The following HMCN1 variants were observed in gnomAD, a reference collection of about 807,000 sequenced individuals.
The protein encoded by HMCN1 is hemicentin 1.
In HMCN1, 321 loss-of-function variants were observed where a neutral mutation model predicts 625.9. The ratio of observed to expected loss-of-function variants is 0.51; its 90% CI spans 0.47 to 0.56. HMCN1 has a LOEUF of 0.56. HMCN1 is among the 20% of genes least tolerant of loss of function. The pLI is 0.00. For missense variants in HMCN1, 6,588 were observed against 6,887.3 expected, an observed-to-expected ratio of 0.96 and a Z score of 1.54; for synonymous variants, 2,425 against 2,417.6, an observed-to-expected ratio of 1.00 and a Z score of -0.09.
chr1:186,152,624 A>G, intron 95 of HMCN1, 126 bp from the exon 96 acceptor site: 1 of 1,110,198 alleles, frequency 9.0e-7, no homozygotes, highest in Non-Finnish European at 1.4e-6. Flanking sequence ...TTCAGTTCTC[A>G]TCATCTATAC....
chr1:186,048,708 G>A (rs1283663360), intron 41 of HMCN1, 35 bp from the exon 42 acceptor site: 1 of 1,251,244 alleles, frequency 8.0e-7, no homozygotes, highest in Non-Finnish European at 1.2e-6. Context: ...AAGTGAAATA[G>A]AAAGTGTGAT....
At chr1:185,926,813 T>A (rs1281549201) in intron 9 of HMCN1, among the ~76,000 whole-genome samples, 2 of 152,196 alleles carry the variant, frequency 1.3e-5, no homozygotes, top group Non-Finnish European at 2.9e-5. Flanking sequence ...CACCAGGGGA[T>A]GTAAGAGAGA....
chr1:185,990,287 T>A lies in HMCN1; in HGVS notation c.3221T>A (p.Val1074Glu). 6.2e-7 allele frequency: 1 copy of A among 1,613,934 alleles called. No individual in the cohort carries two copies. The highest frequency in any genetic ancestry group is 8.5e-7 in the Non-Finnish European group (1 of 1,179,850). ...VQLTVYVRPR[V>E]FGDQRGLSQD... ...GTGTTTATTTTAGTAAGGCCCAGAG[T>A]GTTTGGAGATCAACGAGGACTGTCC... The change falls in exon 22 of 107, where the codon GTG becomes GAG. Residue 1074 changes from valine to glutamate, a missense_variant. Val to Glu is a moderately radical substitution (Grantham distance 121). This residue lies in a region of HMCN1 where 4,628 missense variants were observed against 4,853.1 expected (regional missense o/e 0.95). Coordinates refer to ENST00000271588, the MANE Select transcript of HMCN1 (RefSeq NM_031935.3).
At chr1:185,984,370 A>G in intron 19 of HMCN1, 57 bp downstream of exon 19, 10 of 1,514,568 alleles carry the variant, frequency 6.6e-6, no homozygotes, top group South Asian at 1.1e-5. Flanking sequence ...AGTTGTTCTT[A>G]TATTTTAATC....
intron 96 of HMCN1, among the ~76,000 whole-genome samples, chr1:186,153,165 G>A (rs1650780524): frequency 6.6e-6 from 1 of 152,112 alleles, no homozygotes. Flanking sequence ...ACGTTTTTGT[G>A]TATCATCCAT....
At chr1:185,746,605 CTTTTTTT>C (rs59992589) in intron 1 of HMCN1, among the ~76,000 whole-genome samples, 1 of 132,348 alleles carries the variant, frequency 7.6e-6, no homozygotes, top group South Asian at 2.4e-4. Context: ...TTTCCTTTTC[CTTTTTTT>C]TTTTTTTTTT....
At chr1:186,140,139 A>G (rs147282963) in intron 89 of HMCN1, among the ~76,000 whole-genome samples, 1 of 152,140 alleles carries the variant, frequency 6.6e-6, no homozygotes, top group Non-Finnish European at 1.5e-5. Context: ...TGATACTACT[A>G]TTATCTAATT....
Position 186,063,071 on chromosome 1 carries a change from T to TGC in HMCN1, c.7513+471_7513+472insGC, listed in dbSNP as rs1475657563. On this transcript the variant is annotated intron_variant, in intron 48 of 106. Coordinates refer to ENST00000271588, the MANE Select transcript of HMCN1 (RefSeq NM_031935.3). ...GTGTGTGTGTGTGTGTGTGTGCATATATATATATATATATATATATATATA... is the reference window on the plus strand; with the variant it reads ...GTGTGTGTGTGTGTGTGTGTGCATATGCATATATATATATATATATATATATA... Among the ~76,000 whole-genome samples, 87 of 82,868 alleles carry TGC rather than the reference T, an allele frequency of 1.0e-3. 1 individual carries two copies. The highest frequency in any genetic ancestry group is 4.0e-3 in the African/African-American group (76 of 18,904). The allele number at this position is 82,868 out of a possible 152,430, so 54.4% of individuals were successfully genotyped here.
intron 10 of HMCN1, among the ~76,000 whole-genome samples, chr1:185,929,645 A>T (rs916940645): frequency 6.6e-6 from 1 of 152,160 alleles, no homozygotes; most frequent in African/African-American, 2.4e-5. Flanking sequence ...ACAATTTAAG[A>T]CAAAGGAAGC....
intron 6 of HMCN1, among the ~76,000 whole-genome samples, chr1:185,916,344 G>A (rs896334648): frequency 6.6e-6 from 1 of 152,088 alleles, no homozygotes; most frequent in Non-Finnish European, 1.5e-5. Context: ...ATTACTTAAA[G>A]TCTTTTTGTT....
rs753459609 is a variant in HMCN1 at position 186,117,501 on chromosome 1, C to T, written c.11726C>T (p.Thr3909Ile). 1.9e-6 allele frequency: 3 copies of T among 1,613,832 alleles called. No individual in the cohort carries two copies. The Admixed American group carries it at 5.0e-5, about 27-fold the overall frequency. ...GATGAGCCTACAGATTTCCTAGTAA[C>T]CAAACATGCCCCAGCAGTAATTACC... ...IADEPTDFLV[T>I]KHAPAVITCT... Residue 3909 changes from threonine (T) to isoleucine (I), a missense_variant, in exon 77 of 107, where the codon ACC becomes ATC. This residue lies in a region of HMCN1 where 4,628 missense variants were observed against 4,853.1 expected (regional missense o/e 0.95). Transcript: ENST00000271588.
intron 22 of HMCN1, among the ~76,000 whole-genome samples, chr1:185,991,515 T>C (rs1284951344): frequency 6.6e-6 from 1 of 152,148 alleles, no homozygotes; most frequent in Non-Finnish European, 1.5e-5. Context: ...TTCAATTTTG[T>C]TTTGTGTGTC....
At chr1:186,057,453 A>G in intron 46 of HMCN1, 52 bp downstream of exon 46, 1 of 1,241,410 alleles carries the variant, frequency 8.1e-7, no homozygotes. Flanking sequence ...TACGGCTACA[A>G]TTTCTCCTTA....
In HMCN1 at chr1:185,890,252, A is replaced by C. The variant is rs547800631; in HGVS notation, c.622-19085A>C. ...GTCTATCAATTTTCTTGATCCTTTC[A>C]AAAAACCAGCTCCTGGATTCATTAA... On this transcript the variant is annotated intron_variant, in intron 4 of 106. Coordinates refer to ENST00000271588, the MANE Select transcript of HMCN1 (RefSeq NM_031935.3). Among the ~76,000 whole-genome samples, 9 of 148,228 alleles carry C rather than the reference A, an allele frequency of 6.1e-5. No homozygotes were observed. In the South Asian group the frequency reaches 1.7e-3, roughly 27 times the overall value.
At chr1:186,166,388 C>A in intron 99 of HMCN1, 85 bp downstream of exon 99, 1 of 1,518,864 alleles carries the variant, frequency 6.6e-7, no homozygotes, top group South Asian at 1.2e-5. Context: ...CCATTATCTT[C>A]TTTCCTACTA....
At chr1:185,876,104 C>T (rs1663912394) in intron 4 of HMCN1, among the ~76,000 whole-genome samples, 1 of 152,128 alleles carries the variant, frequency 6.6e-6, no homozygotes, top group South Asian at 2.1e-4. Context: ...CTATTATTCC[C>T]CTCAGTATGT....
chr1:185,992,378 T>A (rs549218780), intron 22 of HMCN1, among the ~76,000 whole-genome samples: 4 of 152,312 alleles, frequency 2.6e-5, no homozygotes, highest in African/African-American at 9.6e-5. Context: ...TATTTTAAGT[T>A]TTCTTTTTCA....
chr1:185,887,577 G>C (rs190394749), intron 4 of HMCN1, among the ~76,000 whole-genome samples: 8,807 of 149,938 alleles, frequency 0.059, 930 homozygotes, highest in African/African-American at 0.21. Context: ...TTGTTCTTGC[G>C]ATAGTTTACT....
At chr1:186,038,652 GT>G in intron 37 of HMCN1, among the ~76,000 whole-genome samples, 176 bp from the exon 38 acceptor site, 1 of 152,176 alleles carries the variant, frequency 6.6e-6, no homozygotes, top group East Asian at 1.9e-4. Context: ...GGATCTTGGT[GT>G]TTTTCTAAGG....
Sources: gnomAD v4.1 joint callset for allele counts (sites outside exome capture counted in the v4.1 genomes callset) on GRCh38, gnomAD v4.1.1 for gene constraint, gnomAD v4.1.1 regional missense constraint, MANE v1.5 for transcripts, NCBI Gene and HGNC (gene_info 2026-07-23, HGNC 2026-07-21) for gene names.